GFI1: variants seen among roughly 807,000 people sequenced by gnomAD.
The protein encoded by GFI1 is growth factor independent 1 transcriptional repressor.
GFI1 carries 15 observed loss-of-function variants against 39.2 expected under a neutral mutation model. The ratio of observed to expected loss-of-function variants is 0.38; its 90% CI spans 0.26 to 0.59. GFI1 has a LOEUF of 0.59. Ranked by LOEUF, GFI1 falls within the 20% of genes least tolerant of loss-of-function variation. The pLI is 0.62. For missense variants in GFI1, 475 were observed against 574.0 expected (o/e 0.83, Z 1.76); for synonymous variants, 239 against 254.3 (o/e 0.94, Z 0.57).
In GFI1 at chr1:92,481,085, G is replaced by A; in HGVS notation, c.302C>T (p.Ser101Leu). 1 of 1,610,316 alleles carries A rather than the reference G, an allele frequency of 6.2e-7. No individual in the cohort carries two copies. Among genetic ancestry groups the A allele is most frequent in the Non-Finnish European group, 8.5e-7 (1 of 1,178,224 alleles). The part of the protein sequence containing the change: ...RPPSPSASPA[S>L]EKSMCPSLDE... ...CAGCGATGGGCACATTGACTTCTCC[G>A]AGGCTGTGGAGGCACAAGGGGAGCG... The change falls in exon 4 of 7, where the codon TCG becomes TTG. Residue 101 changes from serine to leucine, a missense_variant. This residue lies in a region of GFI1 where 275 missense variants were observed against 275.8 expected (regional missense o/e 1.00). Transcript: ENST00000294702. The surrounding 1 kb of genome is among the most constrained non-coding windows in gnomAD (Gnocchi z 4.3).
intron 6 of GFI1, among the ~76,000 whole-genome samples, chr1:92,478,357 G>T (rs1362834856): frequency 6.6e-6 from 1 of 152,190 alleles, no homozygotes; most frequent in Non-Finnish European, 1.5e-5. Flanking sequence ...GTACCTGTGA[G>T]CTGACCTGCT....
At position 92,475,996 on chromosome 1, in the gene GFI1, T is replaced by C; in HGVS notation, c.*33A>G. The C allele has an allele frequency of 6.2e-7, 1 of 1,605,704 alleles. No homozygotes were observed. Among genetic ancestry groups the C allele is most frequent in the South Asian group, 1.1e-5 (1 of 90,110 alleles). On this transcript the variant is annotated 3_prime_UTR_variant, in exon 7 of 7. Transcript: ENST00000294702. The stretch of plus-strand genomic sequence containing the variant: ...GCAGGGAGGCTGCCCTCTGTAGTGT[T>C]GTGTAGCTGCTGCTTGCAGCCAGCC...
Position 92,474,718 on chromosome 1 carries a change from A to G in GFI1, c.*1311T>C, listed in dbSNP as rs1402250094. On this transcript the variant is annotated 3_prime_UTR_variant, in exon 7 of 7. Transcript: ENST00000294702. ...CAGCTTTCCCCCTACAGACTAAAAC[A>G]AAGGTCTTCCCCAAATTCCCTGCCT... is the stretch of plus-strand genomic sequence containing the variant. The G allele has an allele frequency of 6.5e-6, 1 of 152,688 alleles. No individual in the cohort carries two copies. The highest frequency in any genetic ancestry group is 2.4e-5 in the African/African-American group (1 of 41,456). 9.5% of individuals were successfully genotyped at this position (152,688 alleles called of 1,614,324 possible).
At position 92,481,111 on chromosome 1, in the gene GFI1, T is replaced by A; in HGVS notation, c.299-23A>T. On this transcript the variant is annotated intron_variant, in intron 3 of 6. Coordinates refer to ENST00000294702, the MANE Select transcript of GFI1 (RefSeq NM_005263.5). This position sits in a 1 kb window ranked among gnomAD's most constrained non-coding sequence, Gnocchi z 4.3. ...AGGCTGTGGAGGCACAAGGGGAGCG[T>A]CCGGTCAGGCTTCAGACGGCAGAGC... The A allele has an allele frequency of 2.5e-6, 4 of 1,600,464 alleles. No individual in the cohort carries two copies. In the South Asian group the frequency reaches 4.4e-5, roughly 18 times the overall value.
rs1180814416 is a variant in GFI1, at chr1:92,480,339, C to G, written c.924+9G>C. On this transcript the variant is annotated intron_variant, in intron 5 of 6. Transcript: ENST00000294702. The surrounding 1 kb of genome is among the most constrained non-coding windows in gnomAD (Gnocchi z 5.6). ...CAGGGCCGCGCGCGGCGGTGCGCCCCGCGCTTACCTGCGAGTGCACGGCTT... is the reference window on the plus strand; with the variant it reads ...CAGGGCCGCGCGCGGCGGTGCGCCCGGCGCTTACCTGCGAGTGCACGGCTT... 3 of 1,547,724 alleles carry G rather than the reference C, an allele frequency of 1.9e-6. No individual in the cohort carries two copies. The highest frequency in any genetic ancestry group is 1.2e-5 in the South Asian group (1 of 83,988).
rs1428513370 is a variant in GFI1 at position 92,473,204 on chromosome 1, T to G, written c.*2825A>C. On this transcript the variant is annotated 3_prime_UTR_variant, in exon 7 of 7. Coordinates refer to ENST00000294702, the MANE Select transcript of GFI1 (RefSeq NM_005263.5). ...AAAAAAAAAAAAAAAGGCATACAGT[T>G]AACATCAAAATTACAATTCCTCACT... 1.4e-5 allele frequency among the ~76,000 whole-genome samples: 2 copies of G among 147,752 alleles called. No homozygotes were observed. The highest frequency in any genetic ancestry group is 3.0e-5 in the Non-Finnish European group (2 of 67,290).
chr1:92,480,892 G>A lies in GFI1; in HGVS notation c.495C>T (p.Ala165=). The part of the protein sequence containing the change: ...CEPAPEPGHP[A]ALYGPKRAAG... The stretch of plus-strand genomic sequence containing the variant: ...CAGCCCGCTTCGGGCCGTACAGCGC[G>A]GCCGGGTGGCCAGGCTCCGGGGCGG... Residue 165 remains alanine, a synonymous_variant, in exon 4 of 7, where the codon GCC becomes GCT. Coordinates refer to ENST00000294702, the MANE Select transcript of GFI1 (RefSeq NM_005263.5). This position sits in a 1 kb window ranked among gnomAD's most constrained non-coding sequence, Gnocchi z 5.6. 6.5e-7 allele frequency: 1 copy of A among 1,541,144 alleles called. No homozygotes were observed. The highest frequency in any genetic ancestry group is 8.8e-7 in the Non-Finnish European group (1 of 1,142,522).
At chr1:92,478,530 A>T in intron 6 of GFI1, 58 bp downstream of exon 6, 10 of 1,426,028 alleles carry the variant, frequency 7.0e-6, no homozygotes, top group Non-Finnish European at 9.9e-6. Context: ...AAATCAGAGA[A>T]GATGAGTAAT....
chr1:92,477,054 TAG>T (rs1258361119), intron 6 of GFI1, among the ~76,000 whole-genome samples: 18 of 152,216 alleles, frequency 1.2e-4, no homozygotes, highest in Admixed American at 1.3e-4. Flanking sequence ...CATGGCATTA[TAG>T]TCAGGGCTCA....
rs532900378 is a variant in GFI1 at position 92,486,236 on chromosome 1, G to A, written c.-100+490C>T. Among the ~76,000 whole-genome samples the A allele has an allele frequency of 6.4e-4, 98 of 152,304 alleles. 2 individuals are homozygous for A. The South Asian group carries it at 0.02, about 31-fold the overall frequency. Reference sequence around the variant, plus strand: ...GTCGGGCGGCCGGGCGCGCTCCTTTGCGCAAGTGGCCAGGCGGTGGGGGGC... The same window carrying A: ...GTCGGGCGGCCGGGCGCGCTCCTTTACGCAAGTGGCCAGGCGGTGGGGGGC... On this transcript the variant is annotated intron_variant, in intron 1 of 6. Coordinates refer to ENST00000294702, the MANE Select transcript of GFI1 (RefSeq NM_005263.5).
Position 92,480,623 on chromosome 1 carries a change from T to C in GFI1, c.764A>G (p.Tyr255Cys), listed in dbSNP as rs748490689. The C allele has an allele frequency of 1.9e-6, 3 of 1,572,110 alleles. No individual in the cohort carries two copies. The highest frequency in any genetic ancestry group is 3.6e-5 in the Admixed American group (2 of 56,334). Residue 255 changes from tyrosine (Y) to cysteine (C), a missense_variant, in exon 4 of 7, where the codon TAC (tyrosine) becomes TGC (cysteine). Around this residue, in one of 4 missense-constraint regions of GFI1, gnomAD observed 79 missense variants for 68.4 expected, o/e 1.15. Transcript: ENST00000294702. The surrounding 1 kb of genome is among the most constrained non-coding windows in gnomAD (Gnocchi z 5.6). Reference protein sequence around the residue: ...CTRLLLGGGSYKCIKCSKVFS... With the variant: ...CTRLLLGGGSCKCIKCSKVFS... The stretch of plus-strand genomic sequence containing the variant: ...CACCTTGCTGCACTTGATGCACTTG[T>C]AGGAGCCGCCGCCCAGCAGCAGGCG...
intron 2 of GFI1, 94 bp downstream of exon 2, chr1:92,483,271 AGGGACGTT>A: frequency 1.3e-6 from 1 of 776,938 alleles, no homozygotes; most frequent in Non-Finnish European, 2.2e-6. Flanking sequence ...CAGCAGCAAA[AGGGACGTT>A]GGGGCAGCCC....
At chr1:92,486,414 T>G (rs951615620) in intron 1 of GFI1, among the ~76,000 whole-genome samples, 5 of 152,194 alleles carry the variant, frequency 3.3e-5, no homozygotes, top group African/African-American at 1.2e-4. Flanking sequence ...CCAGGGAGAC[T>G]TCCGCAGCGA....
rs547373523 is a variant in GFI1 at position 92,476,117 on chromosome 1, T to C, written c.1181A>G (p.Lys394Arg). ...ITHSRKHTGF[K>R]PFGCDLCGKG... ...CCCACAGAGGTCGCAGCCGAAGGGC[T>C]TGAAGCCTGTGTGTTTGCGGCTGTG... Residue 394 changes from lysine to arginine, a missense_variant, in exon 7 of 7, where the codon AAG (lysine) becomes AGG (arginine). By Grantham distance (26) the Lys-to-Arg change is conservative. Transcript: ENST00000294702. The C allele has an allele frequency of 3.7e-6, 6 of 1,614,110 alleles. No individual in the cohort carries two copies. The South Asian group carries it at 4.4e-5, about 12-fold the overall frequency.
intron 2 of GFI1, 47 bp from the exon 3 acceptor site, chr1:92,483,093 T>A: frequency 6.7e-7 from 1 of 1,500,198 alleles, no homozygotes; most frequent in Non-Finnish European, 8.9e-7. Flanking sequence ...ACCGGTTGAG[T>A]CTGAGGGTGC....
intron 1 of GFI1, among the ~76,000 whole-genome samples, chr1:92,485,382 G>T (rs1232784177): frequency 6.6e-6 from 1 of 152,234 alleles, no homozygotes; most frequent in East Asian, 1.9e-4. Flanking sequence ...TTGGACCCAC[G>T]TTGGCTGGGA....
Position 92,475,350 on chromosome 1 carries a change from C to T in GFI1, c.*679G>A, listed in dbSNP as rs1157550134. Reference sequence around the variant, plus strand: ...CCTACTGAAGGGAGGACCTCTAATCCCCTCTCATTACCAACTTCTCTTCTG... The same window carrying T: ...CCTACTGAAGGGAGGACCTCTAATCTCCTCTCATTACCAACTTCTCTTCTG... On this transcript the variant is annotated 3_prime_UTR_variant, in exon 7 of 7. Coordinates refer to ENST00000294702, the MANE Select transcript of GFI1 (RefSeq NM_005263.5). The T allele has an allele frequency of 6.5e-6, 1 of 153,786 alleles. No individual in the cohort carries two copies. The highest frequency in any genetic ancestry group is 1.4e-5 in the Non-Finnish European group (1 of 69,270). The allele number at this position is 153,786 out of a possible 1,614,324, so 9.5% of individuals were successfully genotyped here.
rs767464450 is a variant in GFI1, at chr1:92,480,418, G to A, written c.854C>T (p.Ala285Val). The A allele has an allele frequency of 5.8e-6, 9 of 1,550,434 alleles. No individual in the cohort carries two copies. The highest frequency in any genetic ancestry group is 7.8e-6 in the Non-Finnish European group (9 of 1,146,678). The change falls in exon 5 of 7, where the codon GCC becomes GTC. Residue 285 changes from alanine to valine, a missense_variant. By Grantham distance (64) the Ala-to-Val change is moderately conservative. Transcript: ENST00000294702. This position sits in a 1 kb window ranked among gnomAD's most constrained non-coding sequence, Gnocchi z 5.6. ...GAAGGTCTTGCCGCACATCTCGCAG[G>A]CAAAGGGTCTGGTACCGCTGTGGGA... is the stretch of plus-strand genomic sequence containing the variant. ...RRSHSGTRPF[A>V]CEMCGKTFGH...
At chr1:92,485,485 C>A (rs1407634922) in intron 1 of GFI1, among the ~76,000 whole-genome samples, 2 of 152,194 alleles carry the variant, frequency 1.3e-5, no homozygotes, top group Non-Finnish European at 2.9e-5. Flanking sequence ...GCCGCCTCCC[C>A]ACCCGGGCTG....
Sources: allele counts gnomAD v4.1 joint callset (sites outside exome capture counted in the v4.1 genomes callset), GRCh38; gene constraint gnomAD v4.1.1; regional missense constraint gnomAD v4.1.1; non-coding constraint Gnocchi (gnomAD v3.1); transcripts MANE v1.5; gene names NCBI Gene and HGNC (gene_info 2026-07-23, HGNC 2026-07-21).